CNTNAP2: variants seen among roughly 807,000 people sequenced by gnomAD.
The protein encoded by CNTNAP2 is contactin-associated protein-like 2.
A neutral mutation model predicts 155.2 loss-of-function variants in CNTNAP2; 98 were observed. That is an observed-to-expected ratio of 0.63 (90% CI 0.54 to 0.75). The LOEUF (loss-of-function observed/expected upper bound fraction) is 0.75. Ranked by LOEUF, CNTNAP2 falls within the 30% of genes least tolerant of loss-of-function variation. The probability of loss-of-function intolerance (pLI) is 0.00; values close to 1 mark genes in which losing one functional copy is unlikely to be tolerated. For missense variants in CNTNAP2, 1,727 were observed against 1,688.1 expected, an observed-to-expected ratio of 1.02 and a Z score of -0.40; for synonymous variants, 651 against 631.2, an observed-to-expected ratio of 1.03 and a Z score of -0.47.
chr7:146,586,138 A>G (rs144495902), intron 1 of CNTNAP2, among the ~76,000 whole-genome samples: 2 of 152,336 alleles, frequency 1.3e-5, no homozygotes, highest in East Asian at 3.9e-4. Flanking sequence ...AAATGACAGA[A>G]AAATAATATT....
chr7:146,881,909 G>A lies in CNTNAP2; in HGVS notation c.402+42005G>A, dbSNP rs1024136735. Among the ~76,000 whole-genome samples, 12 of 151,864 alleles carry A rather than the reference G, an allele frequency of 7.9e-5. No individual in the cohort carries two copies. The Middle Eastern group carries it at 0.01, about 129-fold the overall frequency. On this transcript the variant is annotated intron_variant, in intron 3 of 23. Transcript: ENST00000361727. Reference sequence around the variant, plus strand: ...GGTTTGAAGCACAAATATATTCGTCGTCTAGATAGTGACCATAGTACCCAA... The same window carrying A: ...GGTTTGAAGCACAAATATATTCGTCATCTAGATAGTGACCATAGTACCCAA...
chr7:146,991,889 G>A (rs376157719), intron 3 of CNTNAP2, among the ~76,000 whole-genome samples: 2 of 152,154 alleles, frequency 1.3e-5, no homozygotes, highest in African/African-American at 4.8e-5. Flanking sequence ...GCCTTTACAA[G>A]AGTTCGCTAA....
At chr7:148,175,192 T>A (rs931352331) in intron 18 of CNTNAP2, among the ~76,000 whole-genome samples, 1 of 152,234 alleles carries the variant, frequency 6.6e-6, no homozygotes, top group African/African-American at 2.4e-5. Context: ...GTCTTTGCTG[T>A]GTAAATAGTG....
intron 12 of CNTNAP2, among the ~76,000 whole-genome samples, chr7:147,577,531 A>G (rs1323521853): frequency 1.3e-5 from 2 of 151,870 alleles, no homozygotes; most frequent in African/African-American, 4.8e-5. Flanking sequence ...TTGTGTATAC[A>G]AAGGCTTGTA....
Position 146,121,119 on chromosome 7 carries a change from C to CTTTTTTTTTTTTT in CNTNAP2, c.97+4161_97+4173dup, listed in dbSNP as rs745449281. Among the ~76,000 whole-genome samples the CTTTTTTTTTTTTT allele has an allele frequency of 8.8e-4, 58 of 65,784 alleles. 4 individuals carry two copies. The highest frequency in any genetic ancestry group is 1.4e-3 in the Non-Finnish European group (47 of 34,814). The allele number at this position is 65,784 out of a possible 152,430, so 43.2% of individuals were successfully genotyped here. Reference sequence around the variant, plus strand: ...TGTCTTAAAGTTTACATAAAGCTTCCTTTTTTTTTTTTTTTTTTTTTTTTT... The same window carrying CTTTTTTTTTTTTT: ...TGTCTTAAAGTTTACATAAAGCTTCCTTTTTTTTTTTTTTTTTTTTTTTTTTTTTTTTTTTTTT... On this transcript the variant is annotated intron_variant, in intron 1 of 23. Transcript: ENST00000361727.
In CNTNAP2 at chr7:148,014,979, G is replaced by A. The variant is rs74703361; in HGVS notation, c.2383+36990G>A. 9.8e-5 allele frequency among the ~76,000 whole-genome samples: 15 copies of A among 152,340 alleles called. No homozygotes were observed. The East Asian group carries it at 2.9e-3, about 29-fold the overall frequency. ...GAAGTTCTTGTGAGAAGGATGTTAA[G>A]AGAAAGCATTATCTGTTATTATTTA... On this transcript the variant is annotated intron_variant, in intron 15 of 23. Transcript: ENST00000361727.
intron 1 of CNTNAP2, among the ~76,000 whole-genome samples, chr7:146,345,510 C>T (rs899896216): frequency 4.8e-4 from 73 of 152,264 alleles, no homozygotes; most frequent in African/African-American, 1.7e-3. Flanking sequence ...CTTTATAGCA[C>T]AAAATGCTAC....
intron 8 of CNTNAP2, among the ~76,000 whole-genome samples, chr7:147,269,751 A>G (rs1176202950): frequency 6.6e-6 from 1 of 152,186 alleles, no homozygotes; most frequent in African/African-American, 2.4e-5. Flanking sequence ...GTTTCAGGCC[A>G]TGGAGTTAAG....
chr7:147,253,348 G>T (rs1016280025), intron 8 of CNTNAP2, among the ~76,000 whole-genome samples: 4 of 150,206 alleles, frequency 2.7e-5, no homozygotes, highest in African/African-American at 9.8e-5. Context: ...GATCCAGCTG[G>T]AGCCAATCCT....
At chr7:148,275,470 C>T (rs544192320) in intron 21 of CNTNAP2, among the ~76,000 whole-genome samples, 2 of 152,320 alleles carry the variant, frequency 1.3e-5, no homozygotes, top group Admixed American at 1.3e-4. Flanking sequence ...CTCCATTCTG[C>T]ACAGCAGTCC....
intron 1 of CNTNAP2, among the ~76,000 whole-genome samples, chr7:146,544,896 G>A (rs1416047940): frequency 1.3e-5 from 2 of 151,930 alleles, no homozygotes; most frequent in African/African-American, 2.4e-5. Flanking sequence ...ATAGGAGGGA[G>A]TAGTATATAC....
chr7:147,026,846 C>T (rs1471164685), intron 3 of CNTNAP2, among the ~76,000 whole-genome samples: 1 of 150,200 alleles, frequency 6.7e-6, no homozygotes, highest in Non-Finnish European at 1.5e-5. Flanking sequence ...TTCTTTATTC[C>T]TCAGAATCTC....
chr7:146,761,150 C>T (rs1399252697), intron 1 of CNTNAP2, among the ~76,000 whole-genome samples: 2 of 152,168 alleles, frequency 1.3e-5, no homozygotes, highest in Non-Finnish European at 2.9e-5. Flanking sequence ...GTCACTGTCC[C>T]ATATGCCAAG....
chr7:148,058,579 G>A (rs1803067953), intron 15 of CNTNAP2, among the ~76,000 whole-genome samples: 1 of 152,142 alleles, frequency 6.6e-6, no homozygotes, highest in East Asian at 1.9e-4. Flanking sequence ...ACTTTAGGCA[G>A]AAATGGAGCA....
rs567158354 is a variant in CNTNAP2, at chr7:146,872,215, C to T, written c.402+32311C>T. On this transcript the variant is annotated intron_variant, in intron 3 of 23. Transcript: ENST00000361727. ...AAATTGAATTCTTCATGGGAAGGTA[C>T]GTCATCCACCTGTATGAAAACAGAT... is the stretch of plus-strand genomic sequence containing the variant. 7.1e-5 allele frequency among the ~76,000 whole-genome samples: 9 copies of T among 127,412 alleles called. No individual in the cohort carries two copies. In the South Asian group the frequency reaches 2.1e-3, roughly 30 times the overall value. 83.6% of individuals were successfully genotyped at this position (127,412 alleles called of 152,430 possible).
chr7:147,378,166 G>T, intron 9 of CNTNAP2: 5 of 286,988 alleles, frequency 1.7e-5, no homozygotes, highest in Non-Finnish European at 3.5e-5. Context: ...ATGTTTCTAA[G>T]TTTTTTTAAA....
chr7:147,133,372 CTT>C (rs1231120203), intron 8 of CNTNAP2, among the ~76,000 whole-genome samples: 2 of 152,138 alleles, frequency 1.3e-5, no homozygotes, highest in Admixed American at 1.3e-4. Flanking sequence ...TTACTGAACA[CTT>C]AGTACAGATG....
chr7:147,774,774 A>G (rs1161904321), intron 13 of CNTNAP2, among the ~76,000 whole-genome samples: 1 of 152,182 alleles, frequency 6.6e-6, no homozygotes, highest in Non-Finnish European at 1.5e-5. Context: ...ATTTCCGTTA[A>G]GACACCCAGG....
chr7:147,045,894 T>C (rs1563056244), intron 4 of CNTNAP2, among the ~76,000 whole-genome samples: 1 of 151,890 alleles, frequency 6.6e-6, no homozygotes, highest in Non-Finnish European at 1.5e-5. Context: ...ATATATATAA[T>C]CCTTCATGGA....
Sources: gnomAD v4.1 joint callset for allele counts (sites outside exome capture counted in the v4.1 genomes callset) on GRCh38, gnomAD v4.1.1 for gene constraint, MANE v1.5 for transcripts, NCBI Gene and HGNC (gene_info 2026-07-23, HGNC 2026-07-21) for gene names.